The following VAV2 variants were observed in gnomAD, a reference collection of about 807,000 sequenced individuals.
VAV2 encodes guanine nucleotide exchange factor VAV2.
A neutral mutation model predicts 132.5 loss-of-function variants in VAV2; 67 were observed. That is an observed-to-expected ratio of 0.51 (90% CI 0.42 to 0.62). The LOEUF is 0.62. Ranked by LOEUF, VAV2 falls within the 20% of genes least tolerant of loss-of-function variation. The probability of loss-of-function intolerance (pLI) is 0.00; values close to 1 mark genes in which losing one functional copy is unlikely to be tolerated. For missense variants in VAV2, 938 were observed against 1,153.6 expected (o/e 0.81, Z 2.71); for synonymous variants, 492 against 443.5 (o/e 1.11, Z -1.37).
Position 133,912,212 on chromosome 9 carries a change from G to A in VAV2, c.321+26891C>T, listed in dbSNP as rs553588756. On this transcript the variant is annotated intron_variant, in intron 2 of 29. Coordinates refer to ENST00000371850, the MANE Select transcript of VAV2 (RefSeq NM_001134398.2). The surrounding 1 kb of genome is among the most constrained non-coding windows in gnomAD (Gnocchi z 4.3). Reference sequence around the variant, plus strand: ...CGGCCTCCAACACACGTGGGAGAAGGGCTGACAACCAGGAGTGTTTTAGTA... The same window carrying A: ...CGGCCTCCAACACACGTGGGAGAAGAGCTGACAACCAGGAGTGTTTTAGTA... Among the ~76,000 whole-genome samples the A allele has an allele frequency of 1.3e-5, 2 of 152,176 alleles. No individual in the cohort carries two copies. The highest frequency in any genetic ancestry group is 1.3e-4 in the Admixed American group (2 of 15,278).
chr9:133,835,072 A>ATATATG lies in VAV2; in HGVS notation c.381-733_381-732insCATATA, dbSNP rs555350896. 2.2e-3 allele frequency among the ~76,000 whole-genome samples: 332 copies of ATATATG among 152,176 alleles called. 1 individual carries two copies. Among genetic ancestry groups the ATATATG allele is most frequent in the African/African-American group, 7.7e-3 (318 of 41,480 alleles). ...GGTATAGAAATATATATATATATAT[A>ATATATG]ACACATAAACTTTAATCATCTGGGC... On this transcript the variant is annotated intron_variant, in intron 3 of 29. Transcript: ENST00000371850.
At position 133,764,018 on chromosome 9, in the gene VAV2, G is replaced by T; in HGVS notation, c.*44C>A. On this transcript the variant is annotated 3_prime_UTR_variant, in exon 30 of 30. Coordinates refer to ENST00000371850, the MANE Select transcript of VAV2 (RefSeq NM_001134398.2). ...TAGAGACAGACTTCAGGGCTGGAGT[G>T]ACTCTCCCAAGAAAATCTGCGAGTC... The T allele has an allele frequency of 1.2e-6, 2 of 1,612,070 alleles. No homozygotes were observed. The highest frequency in any genetic ancestry group is 1.1e-5 in the South Asian group (1 of 90,980).
chr9:133,818,718 T>C (rs1232101810), intron 4 of VAV2, among the ~76,000 whole-genome samples: 1 of 152,214 alleles, frequency 6.6e-6, no homozygotes, highest in Non-Finnish European at 1.5e-5. Context: ...CTGGTTATGC[T>C]TCTTGGAAGC....
intron 29 of VAV2, 64 bp from the exon 30 acceptor site, chr9:133,764,173 T>C: frequency 6.2e-7 from 1 of 1,608,558 alleles, no homozygotes; most frequent in Non-Finnish European, 8.5e-7. Flanking sequence ...TGTGTGCATG[T>C]CTATGTTGGG....
At chr9:133,836,703 C>T (rs1317262466) in intron 3 of VAV2, among the ~76,000 whole-genome samples, 2 of 152,204 alleles carry the variant, frequency 1.3e-5, no homozygotes, top group African/African-American at 4.8e-5. Context: ...GGAAACAGGG[C>T]ATCCCATCGA....
intron 25 of VAV2, among the ~76,000 whole-genome samples, chr9:133,774,278 A>T (rs1215033409): frequency 1.3e-5 from 2 of 152,054 alleles, no homozygotes; most frequent in African/African-American, 4.8e-5. Context: ...TGTGCGCCCT[A>T]CCCCCAGCTC....
rs1836004691 is a variant in VAV2, at chr9:133,826,775, T to C, written c.449+7497A>G. Among the ~76,000 whole-genome samples, 3 of 152,108 alleles carry C rather than the reference T, an allele frequency of 2.0e-5. No homozygotes were observed. Among genetic ancestry groups the C allele is most frequent in the Admixed American group, 2.0e-4 (3 of 15,268 alleles). The stretch of plus-strand genomic sequence containing the variant: ...CGTGTCCCTTCAATTCCCCTAAGAA[T>C]TCTCGGGGACCTCTGACCTGCCGGC... On this transcript the variant is annotated intron_variant, in intron 4 of 29. Coordinates refer to ENST00000371850, the MANE Select transcript of VAV2 (RefSeq NM_001134398.2). The surrounding 1 kb of genome is among the most constrained non-coding windows in gnomAD (Gnocchi z 4.2).
chr9:133,991,847 C>T lies in VAV2; in HGVS notation c.204+228G>A, dbSNP rs553116387. Among the ~76,000 whole-genome samples the T allele has an allele frequency of 9.9e-4, 150 of 150,762 alleles. No individual in the cohort carries two copies. The highest frequency in any genetic ancestry group is 1.9e-3 in the Non-Finnish European group (129 of 67,442). On this transcript the variant is annotated intron_variant, in intron 1 of 29. Coordinates refer to ENST00000371850, the MANE Select transcript of VAV2 (RefSeq NM_001134398.2). The surrounding 1 kb of genome is among the most constrained non-coding windows in gnomAD (Gnocchi z 4.8). ...GGCGCACCAGAGCAGTGCCCGCGGG[C>T]GGCGGCGGCGCGACCCAGGCTGAGG... is the stretch of plus-strand genomic sequence containing the variant.
intron 18 of VAV2, 49 bp downstream of exon 18, chr9:133,784,268 G>A (rs971587206): frequency 1.9e-6 from 3 of 1,577,238 alleles, no homozygotes; most frequent in African/African-American, 2.7e-5. Context: ...TCAGGGGCCT[G>A]GGCTGGGCGT....
At chr9:133,947,187 T>C (rs1489866320) in intron 1 of VAV2, among the ~76,000 whole-genome samples, 1 of 152,138 alleles carries the variant, frequency 6.6e-6, no homozygotes, top group Non-Finnish European at 1.5e-5. Context: ...CAGAAGCATC[T>C]CTTCCGAAAA....
intron 2 of VAV2, among the ~76,000 whole-genome samples, chr9:133,888,902 G>C (rs1042161564): frequency 1.3e-5 from 2 of 152,188 alleles, no homozygotes; most frequent in Non-Finnish European, 2.9e-5. Context: ...CCAATTACAG[G>C]ACGCTGGGCC....
chr9:133,987,537 G>A (rs1842895067), intron 1 of VAV2, among the ~76,000 whole-genome samples: 1 of 152,272 alleles, frequency 6.6e-6, no homozygotes, highest in Non-Finnish European at 1.5e-5. Context: ...TCCGGGAAGA[G>A]GCAGGGAGCA....
chr9:133,791,985 TG>T, intron 12 of VAV2, 116 bp from the exon 13 acceptor site: 3 of 194,000 alleles, frequency 1.5e-5, no homozygotes, highest in East Asian at 7.6e-5. Context: ...CTGTGCTGGG[TG>T]GGGGGTGTGT....
rs766843912 is a variant in VAV2 at position 133,833,594 on chromosome 9, G to A, written c.449+678C>T. Reference sequence around the variant, plus strand: ...TCTCAGCCCAGGTCCCTCACCTGCAGGTGAGGCCCCTTCCTCCTACCCTCC... The same window carrying A: ...TCTCAGCCCAGGTCCCTCACCTGCAAGTGAGGCCCCTTCCTCCTACCCTCC... On this transcript the variant is annotated intron_variant, in intron 4 of 29. Transcript: ENST00000371850. This position sits in a 1 kb window ranked among gnomAD's most constrained non-coding sequence, Gnocchi z 5.6. 6.6e-6 allele frequency among the ~76,000 whole-genome samples: 1 copy of A among 152,104 alleles called. No individual in the cohort carries two copies. Among genetic ancestry groups the A allele is most frequent in the Non-Finnish European group, 1.5e-5 (1 of 68,006 alleles).
rs201778394 is a variant in VAV2, at chr9:133,992,294, G to T, written c.-16C>A. ...ACTGCTCCATGGCGCCCGCGGGCCC[G>T]ACCGGCTCAGGGCAGTGCTCGAGCC... On this transcript the variant is annotated 5_prime_UTR_variant, in exon 1 of 30. Coordinates refer to ENST00000371850, the MANE Select transcript of VAV2 (RefSeq NM_001134398.2). This position sits in a 1 kb window ranked among gnomAD's most constrained non-coding sequence, Gnocchi z 5.5. 3.3e-6 allele frequency: 5 copies of T among 1,513,784 alleles called. No homozygotes were observed. In the South Asian group the frequency reaches 5.0e-5, roughly 15 times the overall value. The allele number at this position is 1,513,784 out of a possible 1,614,324, so 93.8% of individuals were successfully genotyped here.
intron 3 of VAV2, among the ~76,000 whole-genome samples, chr9:133,851,889 ATGGATGGATGGATGGATGGG>A (rs1307219215): frequency 2.0e-5 from 3 of 146,464 alleles, no homozygotes; most frequent in African/African-American, 8.1e-5. Context: ...GGATGGATGC[ATGGATGGATGGATGGATGGG>A]TGGATGGATG....
chr9:133,764,085 C>T lies in VAV2; in HGVS notation c.2614G>A (p.Val872Ile), dbSNP rs752528032. 132 of 1,613,764 alleles carry T rather than the reference C, an allele frequency of 8.2e-5. 1 individual carries two copies. The highest frequency in any genetic ancestry group is 2.5e-4 in the South Asian group (23 of 91,076). Residue 872 changes from valine to isoleucine, a missense_variant, in exon 30 of 30, where the codon GTA (valine) becomes ATA (isoleucine). Val to Ile is a conservative substitution (Grantham distance 29). Transcript: ENST00000371850. ...CGTCACTGGATGCCCTCCTCTTCTA[C>T]GTACGTTGAAGGAAACCAGCCAATC... ...GRIGWFPSTYVEEEGIQ is the reference protein window; with the variant it reads ...GRIGWFPSTYIEEEGIQ
chr9:133,915,735 CGCACACATACACACACGAT>C (rs1319391232), intron 2 of VAV2, among the ~76,000 whole-genome samples: 1 of 149,760 alleles, frequency 6.7e-6, no homozygotes, highest in East Asian at 2.0e-4. Context: ...GTACACACAA[CGCACACATACACACACGAT>C]GCACACATAC....
intron 2 of VAV2, among the ~76,000 whole-genome samples, chr9:133,931,843 G>A (rs1256597102): frequency 6.6e-6 from 1 of 152,178 alleles, no homozygotes; most frequent in African/African-American, 2.4e-5. Context: ...AGGCACCTGG[G>A]GAGGGAGGAC....
Sources: allele counts gnomAD v4.1 joint callset (sites outside exome capture counted in the v4.1 genomes callset), GRCh38; gene constraint gnomAD v4.1.1; non-coding constraint Gnocchi (gnomAD v3.1); transcripts MANE v1.5; gene names NCBI Gene and HGNC (gene_info 2026-07-23, HGNC 2026-07-21).